Variants in MTURN observed in about 807,000 individuals in gnomAD.
MTURN encodes the protein maturin.
MTURN carries 7 observed loss-of-function variants against 14.9 expected under a neutral mutation model. The observed-to-expected ratio is 0.47, with a 90% CI of 0.27 to 0.88. The LOEUF (loss-of-function observed/expected upper bound fraction) is 0.88. Among genes scored for constraint, MTURN ranks in the 40% least tolerant of loss-of-function variants. The probability of loss-of-function intolerance (pLI) is 0.14; values close to 1 mark genes in which losing one functional copy is unlikely to be tolerated. For synonymous variants in MTURN, 69 were observed against 72.5 expected, an observed-to-expected ratio of 0.95 and a Z score of 0.25; for missense variants, 151 against 174.1, an observed-to-expected ratio of 0.87 and a Z score of 0.75.
chr7:30,144,759 C>G (rs773963621), intron 1 of MTURN, among the ~76,000 whole-genome samples: 25 of 151,910 alleles, frequency 1.6e-4, no homozygotes, highest in Non-Finnish European at 3.5e-4. Context: ...TCTCAGAAAC[C>G]CTGCAATGAG....
intron 2 of MTURN, among the ~76,000 whole-genome samples, chr7:30,146,767 T>C (rs1464631482): frequency 6.6e-6 from 1 of 152,228 alleles, no homozygotes; most frequent in African/African-American, 2.4e-5. Context: ...TCTATTCTTT[T>C]CTATTTTTAA....
chr7:30,150,084 CCTCT>C (rs1480912496), intron 2 of MTURN, among the ~76,000 whole-genome samples: 1 of 152,188 alleles, frequency 6.6e-6, no homozygotes, highest in Non-Finnish European at 1.5e-5. Flanking sequence ...AGTTACTTAA[CCTCT>C]CTGTTTCTCA....
At position 30,146,246 on chromosome 7, in the gene MTURN, G is replaced by A. The variant is rs773472706; in HGVS notation, c.232G>A (p.Gly78Ser). ...QLAQDYISSC[G>S]KKTLHEVLEK... The stretch of plus-strand genomic sequence containing the variant: ...AGCACAGGATTACATCTCCTCCTGC[G>A]GCAAGAAGACGCTCCACGAAGTCCT... The change falls in exon 2 of 3, where the codon GGC becomes AGC. Residue 78 changes from glycine to serine, a missense_variant. Coordinates refer to ENST00000324453, the MANE Select transcript of MTURN (RefSeq NM_152793.3). 50 of 1,613,960 alleles carry A rather than the reference G, an allele frequency of 3.1e-5. No individual in the cohort carries two copies. Among genetic ancestry groups the A allele is most frequent in the Non-Finnish European group, 3.8e-5 (45 of 1,180,042 alleles).
intron 1 of MTURN, among the ~76,000 whole-genome samples, chr7:30,142,914 C>T (rs1159927863): frequency 6.6e-6 from 1 of 152,162 alleles, no homozygotes; most frequent in African/African-American, 2.4e-5. Context: ...AGTTTTTTTC[C>T]TGGTCAAAAT....
chr7:30,157,441 C>T lies in MTURN; in HGVS notation c.289C>T (p.Leu97=). The T allele has an allele frequency of 6.3e-7, 1 of 1,596,316 alleles. No homozygotes were observed. Among genetic ancestry groups the T allele is most frequent in the Non-Finnish European group, 8.5e-7 (1 of 1,172,678 alleles). ...EKVFKSFRPL[L]GLPDADDDAF... ...TTCTCTTGTTCTCTCCCTGTAGTTA[C>T]TGGGGCTTCCGGATGCAGATGACGA... The change falls in exon 3 of 3, where the codon CTG becomes TTG. Residue 97 remains leucine, a synonymous_variant. Coordinates refer to ENST00000324453, the MANE Select transcript of MTURN (RefSeq NM_152793.3).
chr7:30,154,694 C>T (rs1797260097), intron 2 of MTURN, among the ~76,000 whole-genome samples: 1 of 152,160 alleles, frequency 6.6e-6, no homozygotes, highest in African/African-American at 2.4e-5. Flanking sequence ...GTGTCTTTTT[C>T]CACACACCCT....
intron 1 of MTURN, among the ~76,000 whole-genome samples, chr7:30,137,930 G>C (rs910231950): frequency 6.6e-6 from 1 of 151,834 alleles, no homozygotes. Flanking sequence ...TGCCAGGCCA[G>C]TGCTATCTAG....
chr7:30,135,293 A>G lies in MTURN; in HGVS notation c.157A>G (p.Asn53Asp). The G allele has an allele frequency of 6.6e-7, 1 of 1,522,116 alleles. No individual in the cohort carries two copies. Among genetic ancestry groups the G allele is most frequent in the Admixed American group, 2.1e-5 (1 of 48,744 alleles). 94.3% of individuals were successfully genotyped at this position (1,522,116 alleles called of 1,614,324 possible). A position where few individuals can be genotyped will look rare whatever the true frequency, so the allele number is the denominator to read the frequency against. ...GTGTCCGGACAACGGCTGCGGCGAC[A>G]ATTTTGTGAGTGCCTGGAGGAGGGA... ...VLCPDNGCGDNFHVWSESEDC... is the reference protein window; with the variant it reads ...VLCPDNGCGDDFHVWSESEDC... Residue 53 changes from asparagine (N) to aspartate (D), a missense_variant, in exon 1 of 3, where the codon AAT becomes GAT. By Grantham distance (23) the Asn-to-Asp change is conservative. Transcript: ENST00000324453.
In MTURN at chr7:30,162,014, T is replaced by G. The variant is rs1201433672; in HGVS notation, c.*4466T>G. The G allele has an allele frequency of 6.6e-6, 1 of 151,600 alleles. No individual in the cohort carries two copies. The allele number at this position is 151,600 out of a possible 1,614,324, so 9.4% of individuals were successfully genotyped here. A position where few individuals can be genotyped will look rare whatever the true frequency, so the allele number is the denominator to read the frequency against. On this transcript the variant is annotated 3_prime_UTR_variant, in exon 3 of 3. Transcript: ENST00000324453. ...ACAACATATTATTTAACATAATATG[T>G]TGTCTTTTATATTTTTATTTAAATC...
intron 1 of MTURN, chr7:30,145,709 C>A: frequency 2.0e-6 from 2 of 990,292 alleles, no homozygotes; most frequent in Non-Finnish European, 1.4e-6. Flanking sequence ...CGCCTACTCA[C>A]AGGCCGATCT....
At position 30,160,196 on chromosome 7, in the gene MTURN, A is replaced by C. The variant is rs1279444377; in HGVS notation, c.*2648A>C. 6.6e-6 allele frequency: 1 copy of C among 152,454 alleles called. No individual in the cohort carries two copies. The highest frequency in any genetic ancestry group is 6.5e-5 in the Admixed American group (1 of 15,286). 9.4% of individuals were successfully genotyped at this position (152,454 alleles called of 1,614,324 possible). ...AGGAAACTTTTAGGGATTCGAGAAG[A>C]AAATACATGTGGGATCTTGCCAAGG... On this transcript the variant is annotated 3_prime_UTR_variant, in exon 3 of 3. Transcript: ENST00000324453.
chr7:30,142,288 G>A (rs562315433), intron 1 of MTURN, among the ~76,000 whole-genome samples: 6 of 152,248 alleles, frequency 3.9e-5, no homozygotes, highest in Admixed American at 6.5e-5. Context: ...AGTGCTTATC[G>A]GATTTTCTGT....
At chr7:30,143,784 G>A (rs1797089352) in intron 1 of MTURN, among the ~76,000 whole-genome samples, 1 of 152,242 alleles carries the variant, frequency 6.6e-6, no homozygotes, top group Admixed American at 6.5e-5. Flanking sequence ...CATGAGGTTA[G>A]AAATGCCTTA....
At chr7:30,150,284 G>A (rs904337386) in intron 2 of MTURN, among the ~76,000 whole-genome samples, 16 of 152,198 alleles carry the variant, frequency 1.1e-4, no homozygotes, top group South Asian at 8.3e-4. Context: ...GCAGGTTACC[G>A]TTGGGGGGAA....
At chr7:30,139,767 ACTCTTT>A (rs1052143829) in intron 1 of MTURN, among the ~76,000 whole-genome samples, 19 of 151,766 alleles carry the variant, frequency 1.3e-4, no homozygotes, top group African/African-American at 4.4e-4. Context: ...TCCCTTGCAC[ACTCTTT>A]CTCTATCTCG....
At chr7:30,148,332 C>T (rs960080277) in intron 2 of MTURN, among the ~76,000 whole-genome samples, 3 of 152,204 alleles carry the variant, frequency 2.0e-5, no homozygotes, top group Non-Finnish European at 4.4e-5. Flanking sequence ...CAGGAGCGGC[C>T]AGTGTGGCTG....
intron 2 of MTURN, among the ~76,000 whole-genome samples, chr7:30,149,741 G>A (rs1205260264): frequency 6.6e-6 from 1 of 152,224 alleles, no homozygotes; most frequent in Non-Finnish European, 1.5e-5. Context: ...AAATGCTACA[G>A]GTTATCAAGT....
At position 30,156,750 on chromosome 7, in the gene MTURN, G is replaced by A. The variant is rs137885262; in HGVS notation, c.286-688G>A. 1.2e-4 allele frequency among the ~76,000 whole-genome samples: 18 copies of A among 151,986 alleles called. No individual in the cohort carries two copies. In the East Asian group the frequency reaches 2.3e-3, roughly 20 times the overall value. ...TGAGGCAGGAGAATTGCTTGAACCC[G>A]GGAATTAGAGGTTGCAGTTAGCCGA... On this transcript the variant is annotated intron_variant, in intron 2 of 2. Transcript: ENST00000324453.
At position 30,158,609 on chromosome 7, in the gene MTURN, G is replaced by A. The variant is rs992307416; in HGVS notation, c.*1061G>A. On this transcript the variant is annotated 3_prime_UTR_variant, in exon 3 of 3. Transcript: ENST00000324453. Reference sequence around the variant, plus strand: ...TTGTGGTGTATTTGTAAAGGGACACGAAGGTAGGAATCTTTTAATCGTGGG... The same window carrying A: ...TTGTGGTGTATTTGTAAAGGGACACAAAGGTAGGAATCTTTTAATCGTGGG... 1.9e-4 allele frequency: 29 copies of A among 152,102 alleles called. No homozygotes were observed. The highest frequency in any genetic ancestry group is 1.8e-3 in the Admixed American group (27 of 15,276). 9.4% of individuals were successfully genotyped at this position (152,102 alleles called of 1,614,324 possible).
Sources: gnomAD v4.1 joint callset for allele counts (sites outside exome capture counted in the v4.1 genomes callset) on GRCh38, gnomAD v4.1.1 for gene constraint, MANE v1.5 for transcripts, NCBI Gene and HGNC (gene_info 2026-07-23, HGNC 2026-07-21) for gene names.